The following CNBD1 variants were observed in gnomAD, a reference collection of about 807,000 sequenced individuals.
CNBD1 encodes the protein cyclic nucleotide-binding domain-containing protein 1.
Under a neutral mutation model 54.4 loss-of-function variants are expected in CNBD1, and 71 were observed. The observed-to-expected ratio is 1.30, with a 90% CI of 1.08 to 1.59. The LOEUF (loss-of-function observed/expected upper bound fraction) is 1.59. Among genes scored for constraint, CNBD1 ranks in the 40% most tolerant of loss-of-function variants. The pLI, the probability that CNBD1 is intolerant of heterozygous loss-of-function variation, is 0.00. For synonymous variants in CNBD1, 182 were observed against 170.7 expected, an observed-to-expected ratio of 1.07 and a Z score of -0.51; for missense variants, 659 against 518.0, an observed-to-expected ratio of 1.27 and a Z score of -2.64.
At chr8:87,105,308 TC>T (rs1420088200) in intron 4 of CNBD1, among the ~76,000 whole-genome samples, 1 of 152,176 alleles carries the variant, frequency 6.6e-6, no homozygotes, top group Non-Finnish European at 1.5e-5. Flanking sequence ...ATGTGAAACT[TC>T]TCTTAAAATT....
intron 2 of CNBD1, among the ~76,000 whole-genome samples, chr8:87,389,461 A>C (rs567963806): frequency 6.6e-6 from 1 of 152,182 alleles, no homozygotes; most frequent in Non-Finnish European, 1.5e-5. Context: ...CCAATAACAG[A>C]CAAACAGAGA....
At chr8:87,347,677 G>C (rs1303701101) in intron 8 of CNBD1, among the ~76,000 whole-genome samples, 1 of 152,138 alleles carries the variant, frequency 6.6e-6, no homozygotes, top group Non-Finnish European at 1.5e-5. Flanking sequence ...TAAATGTATG[G>C]TTTAATTGGT....
chr8:87,265,464 G>T (rs932608745), intron 6 of CNBD1, among the ~76,000 whole-genome samples: 13 of 152,016 alleles, frequency 8.6e-5, no homozygotes, highest in African/African-American at 2.9e-4. Context: ...TTTTGGCTTA[G>T]GATTGACTTG....
intron 6 of CNBD1, among the ~76,000 whole-genome samples, chr8:87,264,935 T>G (rs1025001352): frequency 3.1e-4 from 47 of 152,234 alleles, no homozygotes; most frequent in African/African-American, 1.1e-3. Context: ...AAAAATTTTC[T>G]CCCATTTTGT....
intron 4 of CNBD1, among the ~76,000 whole-genome samples, chr8:86,965,292 T>C (rs7829765): frequency 0.94 from 143,800 of 152,218 alleles, 68,031 homozygotes; most frequent in East Asian, 1. Flanking sequence ...CAGTCAGGGA[T>C]TGGAATTAGT....
chr8:87,224,433 AG>A (rs1407555548), intron 5 of CNBD1, among the ~76,000 whole-genome samples: 1 of 151,642 alleles, frequency 6.6e-6, no homozygotes, highest in Non-Finnish European at 1.5e-5. Flanking sequence ...GGCGTAAGGA[AG>A]GGATCCAGTT....
chr8:87,321,740 G>A (rs1163548914), intron 8 of CNBD1, among the ~76,000 whole-genome samples: 2 of 150,660 alleles, frequency 1.3e-5, no homozygotes, highest in Non-Finnish European at 3.0e-5. Context: ...CTGTGCTTTT[G>A]GTGTCGTATC....
At chr8:87,183,233 C>G (rs1813393968) in intron 4 of CNBD1, among the ~76,000 whole-genome samples, 1 of 151,974 alleles carries the variant, frequency 6.6e-6, no homozygotes, top group African/African-American at 2.4e-5. Context: ...TATGTCTGGG[C>G]TTTCTAGTCT....
intron 4 of CNBD1, among the ~76,000 whole-genome samples, chr8:87,044,282 A>C (rs774972244): frequency 6.6e-6 from 1 of 152,058 alleles, no homozygotes; most frequent in Non-Finnish European, 1.5e-5. Flanking sequence ...ATAATGTTAT[A>C]TAAGTGTCAG....
intron 4 of CNBD1, among the ~76,000 whole-genome samples, chr8:87,100,109 A>C (rs537718348): frequency 6.6e-6 from 1 of 152,146 alleles, no homozygotes; most frequent in Admixed American, 6.5e-5. Flanking sequence ...ATGAATGTCA[A>C]ATTCTTCTGA....
intron 4 of CNBD1, among the ~76,000 whole-genome samples, chr8:87,110,765 T>G (rs1811645847): frequency 6.6e-6 from 1 of 152,274 alleles, no homozygotes; most frequent in South Asian, 2.1e-4. Context: ...AAGGTTAAAC[T>G]AAGCCCTGGG....
At chr8:87,092,910 C>T (rs116964592) in intron 4 of CNBD1, among the ~76,000 whole-genome samples, 2,300 of 152,182 alleles carry the variant, frequency 0.015, 22 homozygotes, top group Non-Finnish European at 0.021. Flanking sequence ...CCTTTGAATT[C>T]GAAATTGCTC....
intron 4 of CNBD1, among the ~76,000 whole-genome samples, chr8:87,164,031 T>C (rs931457242): frequency 2.0e-5 from 3 of 151,978 alleles, no homozygotes; most frequent in African/African-American, 7.2e-5. Flanking sequence ...GTAAAACGCT[T>C]TTTCAGCATT....
At chr8:87,299,847 T>G (rs1808949481) in intron 8 of CNBD1, among the ~76,000 whole-genome samples, 1 of 152,190 alleles carries the variant, frequency 6.6e-6, no homozygotes, top group Admixed American at 6.6e-5. Context: ...CCAGGTGTCC[T>G]TTTGCAGTGA....
intron 6 of CNBD1, among the ~76,000 whole-genome samples, chr8:87,248,430 T>C (rs1239670045): frequency 1.3e-5 from 2 of 152,248 alleles, no homozygotes; most frequent in Non-Finnish European, 2.9e-5. Context: ...CTAAGAATGA[T>C]GCTGTCAGTG....
chr8:87,340,517 G>A lies in CNBD1; in HGVS notation c.1043-11168G>A, dbSNP rs182996722. ...TGTTTCTTTCTCTCTCTTCTCCTTTGGGAACTCTCATAATGCACATGTTGG... is the reference window on the plus strand; with the variant it reads ...TGTTTCTTTCTCTCTCTTCTCCTTTAGGAACTCTCATAATGCACATGTTGG... On this transcript the variant is annotated intron_variant, in intron 8 of 10. Transcript: ENST00000518476. 4.4e-3 allele frequency among the ~76,000 whole-genome samples: 676 copies of A among 151,964 alleles called. 3 individuals carry two copies. The highest frequency in any genetic ancestry group is 3.8e-3 in the Non-Finnish European group (258 of 67,984).
intron 2 of CNBD1, among the ~76,000 whole-genome samples, chr8:87,400,204 C>T (rs1337124558): frequency 1.3e-5 from 2 of 151,958 alleles, no homozygotes; most frequent in Non-Finnish European, 2.9e-5. Flanking sequence ...CCTAAGTTAA[C>T]TAGATTTATG....
At chr8:86,873,142 C>T (rs1808465638) in intron 1 of CNBD1, among the ~76,000 whole-genome samples, 1 of 149,762 alleles carries the variant, frequency 6.7e-6, no homozygotes, top group Non-Finnish European at 1.5e-5. Flanking sequence ...ACTCTTGTTG[C>T]CCAGACTGGA....
chr8:87,081,037 C>T (rs1442742362), intron 4 of CNBD1, among the ~76,000 whole-genome samples: 1 of 150,670 alleles, frequency 6.6e-6, no homozygotes, highest in Non-Finnish European at 1.5e-5. Flanking sequence ...TTCTTCTTTC[C>T]TCTTGTTTTG....
Sources: allele counts gnomAD v4.1 joint callset (sites outside exome capture counted in the v4.1 genomes callset), GRCh38; gene constraint gnomAD v4.1.1; transcripts MANE v1.5; gene names NCBI Gene and HGNC (gene_info 2026-07-23, HGNC 2026-07-21).